Variants in TVP23A observed in about 807,000 individuals in gnomAD.
TVP23A encodes trans-golgi network vesicle protein 23 homolog A.
In TVP23A, 21 loss-of-function variants were observed where a neutral mutation model predicts 31.7. The ratio of observed to expected loss-of-function variants is 0.66; its 90% confidence interval spans 0.47 to 0.95. TVP23A has a LOEUF of 0.95. Among genes scored for constraint, TVP23A ranks in the 40% least tolerant of loss-of-function variants. The probability of loss-of-function intolerance (pLI) is 0.00; values close to 1 mark genes in which losing one functional copy is unlikely to be tolerated. For synonymous variants in TVP23A, 104 were observed against 96.0 expected, an observed-to-expected ratio of 1.08 and a Z score of -0.49; for missense variants, 279 against 255.6, an observed-to-expected ratio of 1.09 and a Z score of -0.62.
At chr16:10,797,652 G>A (rs2033461746) in intron 2 of TVP23A, among the ~76,000 whole-genome samples, 1 of 152,016 alleles carries the variant, frequency 6.6e-6, no homozygotes, top group African/African-American at 2.4e-5. Flanking sequence ...CCTGGGTGGT[G>A]GAGGTTGCAG....
chr16:10,775,093 G>A lies in TVP23A; in HGVS notation c.93C>T (p.His31=), dbSNP rs370743940. ...ELAFRKAKIR[H]PLATFFHLFF... ...ACAGGTGGAAAAAGGTGGCCAAGGGGTGTCTAGGAAAGGACCCAGAAGGCG... is the reference window on the plus strand; with the variant it reads ...ACAGGTGGAAAAAGGTGGCCAAGGGATGTCTAGGAAAGGACCCAGAAGGCG... Residue 31 remains histidine, a synonymous_variant, in exon 3 of 8, where the codon CAC becomes CAT. Transcript: ENST00000299866. The A allele has an allele frequency of 2.5e-6, 4 of 1,607,068 alleles. No homozygotes were observed. Among genetic ancestry groups the A allele is most frequent in the African/African-American group, 2.7e-5 (2 of 74,740 alleles).
At chr16:10,792,139 G>T (rs763386746) in intron 2 of TVP23A, among the ~76,000 whole-genome samples, 3 of 152,076 alleles carry the variant, frequency 2.0e-5, no homozygotes, top group Non-Finnish European at 2.9e-5. Context: ...TTTTCCCTTC[G>T]GAAGCCCTTC....
chr16:10,785,689 C>T (rs939084476), intron 2 of TVP23A, among the ~76,000 whole-genome samples: 5 of 152,214 alleles, frequency 3.3e-5, no homozygotes, highest in Admixed American at 6.5e-5. Context: ...CAGGAGACAA[C>T]AATCAACTTA....
chr16:10,803,286 T>TGTGTGTGTG (rs2033795728), intron 2 of TVP23A, among the ~76,000 whole-genome samples: 1 of 149,714 alleles, frequency 6.7e-6, no homozygotes, highest in Admixed American at 6.7e-5. Context: ...TGTGTGTGTG[T>TGTGTGTGTG]CAGAGTCTGG....
intron 6 of TVP23A, 100 bp from the exon 7 acceptor site, chr16:10,770,431 C>T (rs1169794319): frequency 9.7e-6 from 13 of 1,346,284 alleles, no homozygotes; most frequent in Non-Finnish European, 1.3e-5. Flanking sequence ...TACAGAAAAC[C>T]TGCGGAATTG....
chr16:10,774,843 A>C, intron 3 of TVP23A, 109 bp downstream of exon 3: 2 of 895,538 alleles, frequency 2.2e-6, no homozygotes, highest in Non-Finnish European at 3.4e-6. Context: ...ACTGCTCAGC[A>C]CTCTTAAGCA....
At chr16:10,814,139 T>C (rs1011971329) in intron 2 of TVP23A, among the ~76,000 whole-genome samples, 6 of 152,134 alleles carry the variant, frequency 3.9e-5, no homozygotes, top group Admixed American at 6.6e-5. Context: ...TAAATTCATG[T>C]TCCTAGGCCC....
intron 3 of TVP23A, 129 bp downstream of exon 3, chr16:10,774,817 CTTACTT>C: frequency 1.3e-6 from 1 of 747,722 alleles, no homozygotes; most frequent in Non-Finnish European, 2.1e-6. Context: ...CTCCATTCCC[CTTACTT>C]TTAAGTGACA....
At chr16:10,816,228 CAAA>C (rs760801777) in intron 2 of TVP23A, among the ~76,000 whole-genome samples, 3,991 of 73,740 alleles carry the variant, frequency 0.054, 158 homozygotes, top group South Asian at 0.2. Flanking sequence ...AACCCTATCT[CAAA>C]AAAAAAAAAA....
At position 10,818,552 on chromosome 16, in the gene TVP23A, G is replaced by C; in HGVS notation, c.-59C>G. 6.3e-7 allele frequency: 1 copy of C among 1,578,234 alleles called. No homozygotes were observed. The highest frequency in any genetic ancestry group is 1.4e-5 in the African/African-American group (1 of 73,732). On this transcript the variant is annotated 5_prime_UTR_variant, in exon 1 of 8. Coordinates refer to ENST00000299866, the MANE Select transcript of TVP23A (RefSeq NM_001079512.4). This position sits in a 1 kb window ranked among gnomAD's most constrained non-coding sequence, Gnocchi z 4.7. The stretch of plus-strand genomic sequence containing the variant: ...CGGGGCTCCAGCTCCGCCCGTCGCC[G>C]CTGAAGGGGTCGGACGCCGGGCGGG...
In TVP23A at chr16:10,779,185, TCAAA is replaced by T. The variant is rs1485255672; in HGVS notation, c.90-4093_90-4090del. 6.6e-6 allele frequency among the ~76,000 whole-genome samples: 1 copy of T among 152,178 alleles called. No individual in the cohort carries two copies. Among genetic ancestry groups the T allele is most frequent in the Non-Finnish European group, 1.5e-5 (1 of 68,032 alleles). ...TTAACTCAATGGAAAGTGGTGTTAC[TCAAA>T]CAGAGTTCAAAGCCCAAAGCAAGTA... On this transcript the variant is annotated intron_variant, in intron 2 of 7. Coordinates refer to ENST00000299866, the MANE Select transcript of TVP23A (RefSeq NM_001079512.4). This position sits in a 1 kb window ranked among gnomAD's most constrained non-coding sequence, Gnocchi z 4.9.
chr16:10,812,723 T>C (rs1161764810), intron 2 of TVP23A, among the ~76,000 whole-genome samples: 5 of 152,070 alleles, frequency 3.3e-5, no homozygotes, highest in Admixed American at 2.0e-4. Flanking sequence ...GAAAGGAGAA[T>C]GGTATTTACC....
At chr16:10,795,299 G>A (rs1195377169) in intron 2 of TVP23A, among the ~76,000 whole-genome samples, 2 of 151,088 alleles carry the variant, frequency 1.3e-5, no homozygotes, top group Non-Finnish European at 2.9e-5. Context: ...TGCCCAGACT[G>A]GAGTGCAGTG....
At chr16:10,773,484 G>C in intron 4 of TVP23A, 43 bp from the exon 5 acceptor site, 1 of 1,548,540 alleles carries the variant, frequency 6.5e-7, no homozygotes, top group Non-Finnish European at 8.7e-7. Flanking sequence ...AAGTGGAAAT[G>C]GTTGCAAACG....
rs933808735 is a variant in TVP23A, at chr16:10,767,698, T to C, written c.*1404A>G. The C allele has an allele frequency of 5.6e-6, 3 of 534,308 alleles. No homozygotes were observed. The African/African-American group carries it at 5.7e-5, about 10-fold the overall frequency. The allele number at this position is 534,308 out of a possible 1,614,324, so 33.1% of individuals were successfully genotyped here. A position where few individuals can be genotyped will look rare whatever the true frequency, so the allele number is the denominator to read the frequency against. On this transcript the variant is annotated 3_prime_UTR_variant, in exon 8 of 8. Transcript: ENST00000299866. This position sits in a 1 kb window ranked among gnomAD's most constrained non-coding sequence, Gnocchi z 4.6. Reference sequence around the variant, plus strand: ...CATGTGGAAGCTGCTGAATCAGTTCTCTGTAGGGCCCTGGAACCTGCATTT... The same window carrying C: ...CATGTGGAAGCTGCTGAATCAGTTCCCTGTAGGGCCCTGGAACCTGCATTT...
intron 2 of TVP23A, chr16:10,808,595 G>C (rs1014964759): frequency 4.4e-6 from 2 of 454,558 alleles, no homozygotes; most frequent in African/African-American, 4.0e-5. Flanking sequence ...TAGGAGTTTT[G>C]AGACCCGGTC....
rs1418033064 is a variant in TVP23A at position 10,803,881 on chromosome 16, A to C, written c.89+14222T>G. ...TTTTTGGGGTAATGAAAATGTTTGG[A>C]AATTAGACAGTGGTGATGGGTGCAC... On this transcript the variant is annotated intron_variant, in intron 2 of 7. Coordinates refer to ENST00000299866, the MANE Select transcript of TVP23A (RefSeq NM_001079512.4). Among the ~76,000 whole-genome samples the C allele has an allele frequency of 3.3e-5, 5 of 152,322 alleles. No individual in the cohort carries two copies. In the East Asian group the frequency reaches 9.6e-4, roughly 29 times the overall value.
chr16:10,767,126 C>A lies in TVP23A; in HGVS notation c.*1976G>T. On this transcript the variant is annotated 3_prime_UTR_variant, in exon 8 of 8. Coordinates refer to ENST00000299866, the MANE Select transcript of TVP23A (RefSeq NM_001079512.4). The surrounding 1 kb of genome is among the most constrained non-coding windows in gnomAD (Gnocchi z 4.6). Reference sequence around the variant, plus strand: ...GGTGACCGGCCATGGGCAGTGCAGTCACTTGCCTGTTTCGCCAGCAGCTCA... The same window carrying A: ...GGTGACCGGCCATGGGCAGTGCAGTAACTTGCCTGTTTCGCCAGCAGCTCA... 2.5e-6 allele frequency: 1 copy of A among 398,914 alleles called. No homozygotes were observed. Among genetic ancestry groups the A allele is most frequent in the Non-Finnish European group, 4.4e-6 (1 of 226,302 alleles). 24.7% of individuals were successfully genotyped at this position (398,914 alleles called of 1,614,324 possible).
In TVP23A at chr16:10,779,269, T is replaced by C. The variant is rs867691848; in HGVS notation, c.90-4173A>G. On this transcript the variant is annotated intron_variant, in intron 2 of 7. Transcript: ENST00000299866. This position sits in a 1 kb window ranked among gnomAD's most constrained non-coding sequence, Gnocchi z 4.9. ...TTGCTTTAATCCTATTTTATGCAGG[T>C]TGCTCCATCAGCATCCTCCAAGTCC... Among the ~76,000 whole-genome samples the C allele has an allele frequency of 3.2e-4, 49 of 152,316 alleles. No individual in the cohort carries two copies. The highest frequency in any genetic ancestry group is 1.2e-3 in the African/African-American group (48 of 41,580).
Sources: gnomAD v4.1 joint callset for allele counts (sites outside exome capture counted in the v4.1 genomes callset) on GRCh38, gnomAD v4.1.1 for gene constraint, Gnocchi (gnomAD v3.1) non-coding constraint, MANE v1.5 for transcripts, NCBI Gene and HGNC (gene_info 2026-07-23, HGNC 2026-07-21) for gene names.